The following ERC1 variants were observed in gnomAD, a reference collection of about 807,000 sequenced individuals.
The protein encoded by ERC1 is ELKS/RAB6-interacting/CAST family member 1, also known as RAB6 interacting protein 2.
ERC1 carries 56 observed loss-of-function variants against 132.0 expected under a neutral mutation model. The ratio of observed to expected loss-of-function variants is 0.42; its 90% CI spans 0.34 to 0.53. The LOEUF is 0.53. Ranked by LOEUF, ERC1 falls within the 20% of genes least tolerant of loss-of-function variation. The pLI, the probability that ERC1 is intolerant of heterozygous loss-of-function variation, is 0.03. For synonymous variants in ERC1, 478 were observed against 476.1 expected (o/e 1.00, Z -0.05); for missense variants, 1,202 against 1,349.9 (o/e 0.89, Z 1.72).
Position 1,164,231 on chromosome 12 carries a change from T to TTTTTATTTTATTTTATTTTATTTTA in ERC1, c.1738-16297_1738-16273dup, listed in dbSNP as rs201747298. Among the ~76,000 whole-genome samples the TTTTTATTTTATTTTATTTTATTTTA allele has an allele frequency of 1.6e-3, 224 of 136,090 alleles. 1 individual carries two copies. The highest frequency in any genetic ancestry group is 5.3e-3 in the African/African-American group (187 of 35,310). 89.3% of individuals were successfully genotyped at this position (136,090 alleles called of 152,430 possible). On this transcript the variant is annotated intron_variant, in intron 8 of 18. Transcript: ENST00000360905. ...GTCATAGTAGTCACAGAACCTGCCC[T>TTTTTATTTTATTTTATTTTATTTTA]TTTTATTTTATTTTATTTTATTTTA...
intron 15 of ERC1, among the ~76,000 whole-genome samples, chr12:1,328,654 T>TCCCC (rs375307708): frequency 1.3e-5 from 2 of 151,060 alleles, no homozygotes; most frequent in African/African-American, 4.9e-5. Context: ...TTTTCCTTTC[T>TCCCC]CCCCCCTCCC....
chr12:1,022,083 C>T (rs1296604324), intron 1 of ERC1, among the ~76,000 whole-genome samples: 2 of 152,144 alleles, frequency 1.3e-5, no homozygotes, highest in Non-Finnish European at 2.9e-5. Flanking sequence ...TTTTAGAGAT[C>T]CTATCTCTAT....
At chr12:1,318,682 A>G (rs1047868142) in intron 15 of ERC1, among the ~76,000 whole-genome samples, 1 of 152,228 alleles carries the variant, frequency 6.6e-6, no homozygotes, top group East Asian at 1.9e-4. Flanking sequence ...AGGAAAATCA[A>G]CATTAAGGTG....
chr12:1,264,651 G>T (rs925429335), intron 14 of ERC1, among the ~76,000 whole-genome samples: 4 of 151,712 alleles, frequency 2.6e-5, no homozygotes, highest in South Asian at 4.2e-4. Flanking sequence ...GCGACAGAGC[G>T]AGACTCTGTC....
intron 17 of ERC1, among the ~76,000 whole-genome samples, chr12:1,414,718 C>T (rs545725635): frequency 6.6e-6 from 1 of 152,110 alleles, no homozygotes; most frequent in African/African-American, 2.4e-5. Context: ...TTTACCCTCC[C>T]TCCTCCTCCT....
intron 4 of ERC1, among the ~76,000 whole-genome samples, chr12:1,106,757 A>G (rs1945309965): frequency 6.6e-6 from 1 of 152,170 alleles, no homozygotes; most frequent in Non-Finnish European, 1.5e-5. Flanking sequence ...ACATGAATGT[A>G]CCTATGTCCA....
intron 16 of ERC1, among the ~76,000 whole-genome samples, chr12:1,389,522 G>A (rs2089752604): frequency 6.6e-6 from 1 of 152,154 alleles, no homozygotes; most frequent in African/African-American, 2.4e-5. Context: ...TTCAGAATTG[G>A]CTCTACTGGA....
chr12:1,091,127 G>A lies in ERC1; in HGVS notation c.1086+7547G>A, dbSNP rs1454845192. 2.0e-5 allele frequency among the ~76,000 whole-genome samples: 3 copies of A among 152,140 alleles called. No individual in the cohort carries two copies. In the South Asian group the frequency reaches 6.2e-4, roughly 31 times the overall value. ...TGGTCTCAAACTCCTGACCTCAGGT[G>A]ATCTGCCTGACTCGGCCTCCCAGAG... is the stretch of plus-strand genomic sequence containing the variant. On this transcript the variant is annotated intron_variant, in intron 3 of 18. Coordinates refer to ENST00000360905, the MANE Select transcript of ERC1 (RefSeq NM_178040.4).
chr12:1,363,380 C>T (rs1020494523), intron 15 of ERC1, among the ~76,000 whole-genome samples: 1 of 152,074 alleles, frequency 6.6e-6, no homozygotes, highest in African/African-American at 2.4e-5. Context: ...AAGTTTTCCA[C>T]CTACAATTTT....
chr12:1,425,500 C>G (rs1327237602), intron 17 of ERC1, among the ~76,000 whole-genome samples: 1 of 152,206 alleles, frequency 6.6e-6, no homozygotes, highest in Non-Finnish European at 1.5e-5. Context: ...CCTGTGCAGC[C>G]TTTCCTCATA....
At chr12:1,069,601 A>G (rs543536169) in intron 2 of ERC1, among the ~76,000 whole-genome samples, 74 of 152,338 alleles carry the variant, frequency 4.9e-4, no homozygotes, top group African/African-American at 1.8e-3. Context: ...CAAGTAAACA[A>G]TCCTTATCTC....
chr12:1,177,710 G>A (rs1006415135), intron 8 of ERC1, among the ~76,000 whole-genome samples: 7 of 152,226 alleles, frequency 4.6e-5, no homozygotes, highest in African/African-American at 1.7e-4. Context: ...AAGAAATGTT[G>A]CAGGAATTAC....
At chr12:1,386,701 G>C (rs2089419868) in intron 16 of ERC1, 1 of 147,378 alleles carries the variant, frequency 6.8e-6, no homozygotes, top group South Asian at 2.2e-4. Flanking sequence ...ATACATGTCA[G>C]TGAAATTTTA....
At chr12:1,267,835 G>T (rs903801693) in intron 14 of ERC1, among the ~76,000 whole-genome samples, 5 of 152,138 alleles carry the variant, frequency 3.3e-5, no homozygotes, top group African/African-American at 4.8e-5. Context: ...ATTTTTAACA[G>T]TGATATTCAG....
intron 14 of ERC1, among the ~76,000 whole-genome samples, chr12:1,280,518 C>G (rs1029887122): frequency 6.6e-6 from 1 of 152,190 alleles, no homozygotes; most frequent in African/African-American, 2.4e-5. Context: ...GTTCTGTGTA[C>G]TAACAGTGAT....
chr12:1,198,966 C>CA (rs769818312), intron 12 of ERC1, among the ~76,000 whole-genome samples: 1 of 137,408 alleles, frequency 7.3e-6, no homozygotes, highest in African/African-American at 3.1e-5. Context: ...TGGGTGGGGA[C>CA]AAACCACCGT....
chr12:1,083,931 T>C (rs1942595089), intron 3 of ERC1, among the ~76,000 whole-genome samples: 1 of 152,244 alleles, frequency 6.6e-6, no homozygotes, highest in South Asian at 2.1e-4. Flanking sequence ...TCAGAATAGC[T>C]AACCATTGCT....
At chr12:1,160,216 C>G (rs1197746715) in intron 8 of ERC1, among the ~76,000 whole-genome samples, 8 of 152,136 alleles carry the variant, frequency 5.3e-5, no homozygotes, top group Admixed American at 3.9e-4. Context: ...GCTCTGTATA[C>G]TTTCGTATAG....
At chr12:1,444,302 C>A in intron 17 of ERC1, 1 of 312,444 alleles carries the variant, frequency 3.2e-6, no homozygotes, top group Non-Finnish European at 5.9e-6. Flanking sequence ...CGATACAGAG[C>A]TGTCCGTCTG....
Sources: allele counts gnomAD v4.1 joint callset (sites outside exome capture counted in the v4.1 genomes callset), GRCh38; gene constraint gnomAD v4.1.1; transcripts MANE v1.5; gene names NCBI Gene and HGNC (gene_info 2026-07-23, HGNC 2026-07-21).